KDM4C: variants seen among roughly 807,000 people sequenced by gnomAD.
KDM4C encodes lysine-specific demethylase 4C.
KDM4C carries 81 observed loss-of-function variants against 129.3 expected under a neutral mutation model. That is an observed-to-expected ratio of 0.63 (90% CI 0.52 to 0.75). The LOEUF is 0.75. Among genes scored for constraint, KDM4C ranks in the 30% least tolerant of loss-of-function variants. KDM4C has a pLI of 0.00. For missense variants in KDM4C, 1,457 were observed against 1,304.0 expected (o/e 1.12, Z -1.81); for synonymous variants, 573 against 456.1 (o/e 1.26, Z -3.26).
At chr9:6,972,967 A>G (rs1832263126) in intron 8 of KDM4C, among the ~76,000 whole-genome samples, 1 of 152,098 alleles carries the variant, frequency 6.6e-6, no homozygotes, top group Non-Finnish European at 1.5e-5. Flanking sequence ...ACTTTAAATC[A>G]TTTCATGAAA....
intron 8 of KDM4C, among the ~76,000 whole-genome samples, chr9:6,973,077 A>G (rs1832282464): frequency 6.6e-6 from 1 of 152,208 alleles, no homozygotes; most frequent in Non-Finnish European, 1.5e-5. Flanking sequence ...ATGGTGAATT[A>G]TTTACTTATA....
At chr9:6,808,881 C>A (rs1373749756) in intron 3 of KDM4C, among the ~76,000 whole-genome samples, 15 of 151,956 alleles carry the variant, frequency 9.9e-5, no homozygotes, top group African/African-American at 3.4e-4. Flanking sequence ...TATTAAACTT[C>A]TTTTAAAAAA....
intron 18 of KDM4C, among the ~76,000 whole-genome samples, chr9:7,124,184 TTATAATGCA>T (rs1379888925): frequency 2.0e-5 from 3 of 152,192 alleles, no homozygotes; most frequent in Non-Finnish European, 4.4e-5. Flanking sequence ...AGTAATCAGC[TTATAATGCA>T]AATCCCCACA....
chr9:6,968,288 T>TA lies in KDM4C; in HGVS notation c.922-12635dup, dbSNP rs535641741. 7.9e-5 allele frequency among the ~76,000 whole-genome samples: 12 copies of TA among 152,288 alleles called. No homozygotes were observed. In the South Asian group the frequency reaches 2.3e-3, roughly 29 times the overall value. The stretch of plus-strand genomic sequence containing the variant: ...ATCAGGATTTTGAGACCAGCCTGGG[T>TA]AACATAGTTCAGTCCCTGTCTCTAC... On this transcript the variant is annotated intron_variant, in intron 8 of 21. Coordinates refer to ENST00000381309, the MANE Select transcript of KDM4C (RefSeq NM_015061.6).
chr9:7,042,032 T>G (rs79873482), intron 15 of KDM4C, among the ~76,000 whole-genome samples: 1 of 152,058 alleles, frequency 6.6e-6, no homozygotes, highest in East Asian at 1.9e-4. Flanking sequence ...TACACTGAGA[T>G]TATGGACTGA....
At position 6,986,607 on chromosome 9, in the gene KDM4C, G is replaced by C. The variant is rs1448803457; in HGVS notation, c.1618G>C (p.Glu540Gln). The part of the protein sequence containing the change: ...SDVESHGNGL[E>Q]PGEIPAVPSG... ...TGTGGAGAGCCATGGGAATGGCCTT[G>C]AACCTGGGGAAATCCCAGCGGTCCC... The change falls in exon 11 of 22, where the codon GAA becomes CAA. Residue 540 changes from glutamate to glutamine, a missense_variant. By Grantham distance (29) the Glu-to-Gln change is conservative. Coordinates refer to ENST00000381309, the MANE Select transcript of KDM4C (RefSeq NM_015061.6). The C allele has an allele frequency of 6.2e-7, 1 of 1,613,920 alleles. No individual in the cohort carries two copies. Among genetic ancestry groups the C allele is most frequent in the Non-Finnish European group, 8.5e-7 (1 of 1,179,942 alleles).
intron 5 of KDM4C, among the ~76,000 whole-genome samples, chr9:6,874,955 T>C (rs1480767027): frequency 2.7e-5 from 4 of 149,870 alleles, no homozygotes; most frequent in Non-Finnish European, 5.9e-5. Context: ...AAAAAGTTGC[T>C]AGGGAGTCCT....
chr9:7,061,453 A>G (rs190338863), intron 17 of KDM4C, among the ~76,000 whole-genome samples: 1 of 152,180 alleles, frequency 6.6e-6, no homozygotes, highest in African/African-American at 2.4e-5. Context: ...TTGCTTGCCC[A>G]TTTTTAATAA....
chr9:6,887,965 T>A lies in KDM4C; in HGVS notation c.685T>A (p.Phe229Ile), dbSNP rs745909483. 1 of 1,603,812 alleles carries A rather than the reference T, an allele frequency of 6.2e-7. No individual in the cohort carries two copies. The highest frequency in any genetic ancestry group is 8.5e-7 in the Non-Finnish European group (1 of 1,170,936). The stretch of plus-strand genomic sequence containing the variant: ...CATTTATTGTTTCTTTTTAGGTTTT[T>A]TCCCAAGCAGCTCCCAAGGGTGTGA... ...KRLERLAQGF[F>I]PSSSQGCDAF... The change falls in exon 7 of 22, where the codon TTC becomes ATC. Residue 229 changes from phenylalanine (F) to isoleucine (I), a missense_variant. By Grantham distance (21) the Phe-to-Ile change is conservative (BLOSUM62 0). Transcript: ENST00000381309.
chr9:6,956,050 A>G (rs1829006719), intron 8 of KDM4C, among the ~76,000 whole-genome samples: 1 of 152,196 alleles, frequency 6.6e-6, no homozygotes, highest in Admixed American at 6.5e-5. Context: ...TCTAAAAATC[A>G]AAAGAATTGA....
intron 19 of KDM4C, among the ~76,000 whole-genome samples, chr9:7,132,483 T>A (rs943822004): frequency 1.3e-5 from 2 of 152,114 alleles, no homozygotes; most frequent in Admixed American, 1.3e-4. Flanking sequence ...TGCAAAAAAT[T>A]CTTTCTCAAC....
intron 17 of KDM4C, among the ~76,000 whole-genome samples, chr9:7,078,870 T>C (rs1404754565): frequency 6.6e-6 from 1 of 152,230 alleles, no homozygotes; most frequent in Non-Finnish European, 1.5e-5. Flanking sequence ...ATTCACAGGA[T>C]GTAACATGTA....
intron 8 of KDM4C, among the ~76,000 whole-genome samples, chr9:6,912,626 A>G (rs1376859510): frequency 6.6e-6 from 1 of 152,238 alleles, no homozygotes; most frequent in Admixed American, 6.5e-5. Context: ...ATATACTGGG[A>G]GAGAGAGAAT....
intron 19 of KDM4C, among the ~76,000 whole-genome samples, chr9:7,159,426 T>C (rs989891720): frequency 1.6e-4 from 25 of 152,238 alleles, no homozygotes; most frequent in Admixed American, 1.5e-3. Context: ...CTTCATAGCA[T>C]TGGTGGTCTT....
At chr9:7,122,892 A>G (rs1405721543) in intron 18 of KDM4C, among the ~76,000 whole-genome samples, 1 of 152,200 alleles carries the variant, frequency 6.6e-6, no homozygotes, top group African/African-American at 2.4e-5. Context: ...AATCTGATGG[A>G]TGCCCTCGCA....
At chr9:7,133,327 G>C (rs956184062) in intron 19 of KDM4C, among the ~76,000 whole-genome samples, 31 of 152,144 alleles carry the variant, frequency 2.0e-4, no homozygotes, top group Non-Finnish European at 4.6e-4. Context: ...CAGATTAGAT[G>C]AGAACCTGTA....
chr9:6,722,260 T>C (rs1313073680), intron 1 of KDM4C, among the ~76,000 whole-genome samples: 3 of 152,080 alleles, frequency 2.0e-5, no homozygotes, highest in Non-Finnish European at 4.4e-5. Flanking sequence ...GCCTAAGCAG[T>C]GAATTGGGAG....
intron 17 of KDM4C, among the ~76,000 whole-genome samples, chr9:7,094,624 C>T (rs774197312): frequency 2.6e-5 from 4 of 152,124 alleles, no homozygotes; most frequent in Admixed American, 6.5e-5. Flanking sequence ...AGTGTCCATG[C>T]GGAGGAACCC....
In KDM4C at chr9:6,729,136, A is replaced by C. The variant is rs1255628732; in HGVS notation, c.49+8139A>C. On this transcript the variant is annotated intron_variant, in intron 1 of 17. Transcript: ENST00000536108. ...AGAGAATTGCTTGAACCCGGGAAGCAGAGGTTGCAGTGAGCCGAGATCACG... is the reference window on the plus strand; with the variant it reads ...AGAGAATTGCTTGAACCCGGGAAGCCGAGGTTGCAGTGAGCCGAGATCACG... Among the ~76,000 whole-genome samples, 2 of 120,248 alleles carry C rather than the reference A, an allele frequency of 1.7e-5. 1 individual carries two copies. Among genetic ancestry groups the C allele is most frequent in the Non-Finnish European group, 3.2e-5 (2 of 62,042 alleles). 78.9% of individuals were successfully genotyped at this position (120,248 alleles called of 152,430 possible). A position where few individuals can be genotyped will look rare whatever the true frequency, so the allele number is the denominator to read the frequency against.
Sources: gnomAD v4.1 joint callset for allele counts (sites outside exome capture counted in the v4.1 genomes callset) on GRCh38, gnomAD v4.1.1 for gene constraint, MANE v1.5 for transcripts, NCBI Gene and HGNC (gene_info 2026-07-23, HGNC 2026-07-21) for gene names.